The following GLRA2 variants were observed in gnomAD, a reference collection of about 807,000 sequenced individuals.
GLRA2 encodes glycine receptor alpha 2.
A neutral mutation model predicts 31.6 loss-of-function variants in GLRA2; 11 were observed. That is an observed-to-expected ratio of 0.35 (90% confidence interval 0.22 to 0.58). The LOEUF (loss-of-function observed/expected upper bound fraction) is 0.58. Among genes scored for constraint, GLRA2 ranks in the 20% least tolerant of loss-of-function variants. The pLI is 0.84. For synonymous variants in GLRA2, 132 were observed against 134.0 expected, an observed-to-expected ratio of 0.99 and a Z score of 0.10; for missense variants, 212 against 351.8, an observed-to-expected ratio of 0.60 and a Z score of 3.18.
At chrX:14,724,626 C>CAAAAAAAAAAAAAAAAAAAAAAAAAA (rs758722703) in intron 8 of GLRA2, among the ~76,000 whole-genome samples, 2 of 49,617 alleles carry the variant, frequency 4.0e-5, no homozygotes, top group African/African-American at 1.7e-4. Context: ...AACTCTGTCT[C>CAAAAAAAAAAAAAAAAAAAAAAAAAA]AAAAAAAAAA....
chrX:14,495,927 G>GCT, the GLRA2 span, among the ~76,000 whole-genome samples: 1 of 110,999 alleles, frequency 9.0e-6, no homozygotes, highest in Non-Finnish European at 1.9e-5. Flanking sequence ...GAGTACTTGA[G>GCT]CTGGTGGTTT....
the GLRA2 span, among the ~76,000 whole-genome samples, chrX:14,514,463 A>T: frequency 9.0e-6 from 1 of 111,386 alleles, no homozygotes; most frequent in African/African-American, 3.3e-5. Context: ...AAAAAAGAAA[A>T]AGGAAATGGA....
At chrX:14,584,957 A>G (rs2090063997) in intron 4 of GLRA2, among the ~76,000 whole-genome samples, 1 of 111,287 alleles carries the variant, frequency 9.0e-6, no homozygotes. Context: ...TACATTCTAG[A>G]ATCATGAAGA....
Position 14,610,986 on chromosome X carries a change from T to C in GLRA2, c.930+1781T>C, listed in dbSNP as rs149223044. Among the ~76,000 whole-genome samples the C allele has an allele frequency of 9.1e-3, 1,019 of 112,390 alleles. 12 individuals carry two copies. The highest frequency in any genetic ancestry group is 0.031 in the African/African-American group (966 of 31,021). ...TCAAAAATCATTTTACACTTGGCTC[T>C]GAACTCATGGTGGTTATCCTTTTGC... On this transcript the variant is annotated intron_variant, in intron 7 of 8. Coordinates refer to ENST00000218075, the MANE Select transcript of GLRA2 (RefSeq NM_002063.4).
the GLRA2 span, among the ~76,000 whole-genome samples, chrX:14,515,908 A>G: frequency 8.9e-6 from 1 of 111,826 alleles, no homozygotes; most frequent in Non-Finnish European, 1.9e-5. Flanking sequence ...GTTTCCCCCA[A>G]CTGAATTTTC....
intron 7 of GLRA2, among the ~76,000 whole-genome samples, chrX:14,627,673 G>A (rs1407647821): frequency 9.0e-6 from 1 of 111,148 alleles, no homozygotes; most frequent in Non-Finnish European, 1.9e-5. Flanking sequence ...TCCCATTGCT[G>A]TTTCCTACTC....
At chrX:14,480,840 G>A in the GLRA2 span, among the ~76,000 whole-genome samples, 2 of 111,335 alleles carry the variant, frequency 1.8e-5, no homozygotes, top group Admixed American at 1.9e-4. Context: ...TTAGCTATTC[G>A]GGCTTTTTGT....
chrX:14,470,632 T>A, the GLRA2 span, among the ~76,000 whole-genome samples: 2 of 111,929 alleles, frequency 1.8e-5, no homozygotes, highest in Non-Finnish European at 3.8e-5. Context: ...TCTAGGAGAT[T>A]TTGTTTATAA....
the GLRA2 span, among the ~76,000 whole-genome samples, chrX:14,464,833 G>A: frequency 8.9e-6 from 1 of 112,033 alleles, no homozygotes; most frequent in African/African-American, 3.2e-5. Context: ...GAGATTACAG[G>A]CGTGAGCCAC....
intron 2 of GLRA2, among the ~76,000 whole-genome samples, chrX:14,546,124 CCATTT>C (rs948423323): frequency 1.8e-5 from 2 of 111,503 alleles, no homozygotes; most frequent in Non-Finnish European, 3.8e-5. Flanking sequence ...TGAAATATTA[CCATTT>C]CATTTCCTAG....
chrX:14,578,610 G>C (rs775931519), intron 3 of GLRA2, among the ~76,000 whole-genome samples: 25 of 111,769 alleles, frequency 2.2e-4, no homozygotes, highest in Non-Finnish European at 4.1e-4. Context: ...GTTATATTCT[G>C]TTTTTGAAAT....
chrX:14,730,438 T>A lies in GLRA2; in HGVS notation c.1312T>A (p.Trp438Arg). The A allele has an allele frequency of 8.3e-7, 1 of 1,206,517 alleles. No homozygotes were observed. The highest frequency in any genetic ancestry group is 1.1e-6 in the Non-Finnish European group (1 of 890,917). ...LAFLIFNIFY[W>R]ITYKIIRHED... ...CTTCCTCATTTTCAACATCTTTTAC[T>A]GGATCACATACAAGATCATTCGGCA... The change falls in exon 9 of 9, where the codon TGG becomes AGG. Residue 438 changes from tryptophan (W) to arginine (R), a missense_variant. Around this residue, in one of 5 missense-constraint regions of GLRA2, gnomAD observed 42 missense variants for 52.0 expected, o/e 0.81. Transcript: ENST00000218075.
chrX:14,547,151 T>C lies in GLRA2; in HGVS notation c.202+14779T>C, dbSNP rs990567697. ...AGAAGGCAAAGAAATAAAGATGACA[T>C]AATAAATAGATCCTAAAGGAAAGCT... On this transcript the variant is annotated intron_variant, in intron 2 of 8. Coordinates refer to ENST00000218075, the MANE Select transcript of GLRA2 (RefSeq NM_002063.4). 2.7e-5 allele frequency among the ~76,000 whole-genome samples: 3 copies of C among 111,251 alleles called. No homozygotes were observed. The East Asian group carries it at 8.5e-4, about 31-fold the overall frequency.
At chrX:14,585,923 T>C (rs2090075851) in intron 4 of GLRA2, among the ~76,000 whole-genome samples, 1 of 112,439 alleles carries the variant, frequency 8.9e-6, no homozygotes, top group African/African-American at 3.2e-5. Flanking sequence ...GTCTTGATAC[T>C]CTGTATTTGC....
chrX:14,651,923 G>A (rs2090894268), intron 7 of GLRA2, among the ~76,000 whole-genome samples: 1 of 111,260 alleles, frequency 9.0e-6, no homozygotes, highest in African/African-American at 3.3e-5. Context: ...TTGAGATGAG[G>A]TCATAAGAGC....
rs1555999184 is a variant in GLRA2, at chrX:14,532,376, G to T, written c.202+4G>T. ...AGAATCAGGCCAAATTTTAAAGGTA[G>T]GTTCCACTTAAACTTACGTTAAGCC... On this transcript the variant is annotated splice_donor_region_variant and intron_variant, in intron 2 of 8. Coordinates refer to ENST00000218075, the MANE Select transcript of GLRA2 (RefSeq NM_002063.4). The T allele has an allele frequency of 6.1e-6, 7 of 1,150,340 alleles. No individual in the cohort carries two copies. The highest frequency in any genetic ancestry group is 2.4e-4 in the Middle Eastern group (1 of 4,129). The allele number at this position is 1,150,340 out of a possible 1,213,427, so 94.8% of individuals were successfully genotyped here.
intron 4 of GLRA2, among the ~76,000 whole-genome samples, chrX:14,583,711 C>T (rs909048813): frequency 1.8e-4 from 20 of 111,775 alleles, no homozygotes; most frequent in Non-Finnish European, 3.0e-4. Context: ...TGCACTCCAG[C>T]CTGGGTGACA....
intron 7 of GLRA2, among the ~76,000 whole-genome samples, chrX:14,667,713 G>GA (rs774306788): frequency 1.7e-4 from 19 of 108,675 alleles, no homozygotes; most frequent in South Asian, 1.2e-3. Flanking sequence ...AAATAGTAAA[G>GA]AAAAAAAAAT....
chrX:14,530,554 G>A (rs567170696), intron 1 of GLRA2, among the ~76,000 whole-genome samples: 30 of 111,555 alleles, frequency 2.7e-4, no homozygotes, highest in Middle Eastern at 4.6e-3. Flanking sequence ...GCCAACTTGG[G>A]ACTTCTGTTA....
Sources: allele counts gnomAD v4.1 joint callset (sites outside exome capture counted in the v4.1 genomes callset), GRCh38; gene constraint gnomAD v4.1.1; regional missense constraint gnomAD v4.1.1; transcripts MANE v1.5; gene names NCBI Gene and HGNC (gene_info 2026-07-23, HGNC 2026-07-21).